The following ETF1 variants were observed in gnomAD, a reference collection of about 807,000 sequenced individuals.
ETF1 encodes eukaryotic translation termination factor 1, also known as eukaryotic peptide chain release factor subunit 1.
A neutral mutation model predicts 55.1 loss-of-function variants in ETF1; 4 were observed. That is an observed-to-expected ratio of 0.07 (90% confidence interval 0.04 to 0.17). The LOEUF (loss-of-function observed/expected upper bound fraction) is 0.17. ETF1 is among the 10% of genes least tolerant of loss of function. ETF1 has a pLI of 1.00. For missense variants in ETF1, 142 were observed against 523.6 expected (o/e 0.27, Z 7.11); for synonymous variants, 157 against 182.3 (o/e 0.86, Z 1.12).
chr5:138,522,151 C>CA (rs1281882459), intron 2 of ETF1, among the ~76,000 whole-genome samples: 2 of 151,330 alleles, frequency 1.3e-5, no homozygotes, highest in Non-Finnish European at 2.9e-5. Flanking sequence ...CTTTCATTCT[C>CA]AAAAAAACCC....
chr5:138,512,246 A>ATATATATATATATTT (rs1190453567), intron 6 of ETF1, among the ~76,000 whole-genome samples: 3 of 9,316 alleles, frequency 3.2e-4, no homozygotes, highest in African/African-American at 9.2e-4. Context: ...ATATATATAT[A>ATATATATATATATTT]TATATATATA....
chr5:138,540,288 A>G (rs1766118996), intron 2 of ETF1, among the ~76,000 whole-genome samples: 1 of 152,142 alleles, frequency 6.6e-6, no homozygotes, highest in Non-Finnish European at 1.5e-5. Flanking sequence ...AAGTCTCACT[A>G]CCTTGTCCTA....
chr5:138,529,007 G>C (rs1169335565), intron 2 of ETF1, among the ~76,000 whole-genome samples: 1 of 151,982 alleles, frequency 6.6e-6, no homozygotes, highest in Non-Finnish European at 1.5e-5. Context: ...CTAGCTGGGC[G>C]TGGTAGTGCA....
At position 138,511,619 on chromosome 5, in the gene ETF1, A is replaced by C. The variant is rs1350570079; in HGVS notation, c.733-15T>G. Reference sequence around the variant, plus strand: ...GATTGTAACCTCTAACACACAAAAAAAATATTATTAGTACTTACTGGTACT... The same window carrying C: ...GATTGTAACCTCTAACACACAAAAACAATATTATTAGTACTTACTGGTACT... On this transcript the variant is annotated splice_polypyrimidine_tract_variant and intron_variant, in intron 6 of 10. Transcript: ENST00000360541. 6.3e-7 allele frequency: 1 copy of C among 1,591,036 alleles called. No individual in the cohort carries two copies.
intron 2 of ETF1, among the ~76,000 whole-genome samples, chr5:138,525,440 G>C (rs2127101300): frequency 6.9e-6 from 1 of 145,294 alleles, no homozygotes; most frequent in African/African-American, 2.5e-5. Flanking sequence ...ACAGGCGTGA[G>C]CCACCATGTC....
intron 4 of ETF1, 43 bp from the exon 5 acceptor site, chr5:138,513,749 T>C: frequency 6.4e-7 from 1 of 1,569,592 alleles, no homozygotes; most frequent in African/African-American, 1.3e-5. Context: ...TCCCAAAGCT[T>C]TGCTAAGGTC....
chr5:138,511,325 T>C (rs1428081299), intron 7 of ETF1, 125 bp from the exon 8 acceptor site: 8 of 1,508,342 alleles, frequency 5.3e-6, no homozygotes, highest in Non-Finnish European at 7.1e-6. Context: ...AAAGAGTTAA[T>C]AAAAATACTA....
chr5:138,511,442 T>C (rs775698828), intron 7 of ETF1, 33 bp downstream of exon 7: 17 of 1,602,088 alleles, frequency 1.1e-5, no homozygotes, highest in Non-Finnish European at 1.4e-5. Context: ...ACGAAAACAT[T>C]TCACAGAATA....
At chr5:138,515,003 T>C (rs749439949) in intron 4 of ETF1, among the ~76,000 whole-genome samples, 3 of 152,204 alleles carry the variant, frequency 2.0e-5, no homozygotes, top group African/African-American at 7.2e-5. Context: ...TGGGATTACA[T>C]AGGTGTGAGC....
intron 2 of ETF1, among the ~76,000 whole-genome samples, chr5:138,522,085 T>C (rs1765254744): frequency 6.7e-6 from 1 of 149,164 alleles, no homozygotes; most frequent in Non-Finnish European, 1.5e-5. Context: ...CTCTACAGAG[T>C]AGCCATTCTC....
intron 2 of ETF1, among the ~76,000 whole-genome samples, chr5:138,524,307 C>T (rs951816231): frequency 5.9e-5 from 9 of 151,924 alleles, no homozygotes; most frequent in African/African-American, 1.9e-4. Flanking sequence ...GAGCCCAAAT[C>T]GTGCCACTAC....
intron 8 of ETF1, 112 bp from the exon 9 acceptor site, chr5:138,510,741 C>A: frequency 2.1e-6 from 3 of 1,411,022 alleles, no homozygotes; most frequent in Non-Finnish European, 2.9e-6. Context: ...AATCTCTCAA[C>A]ATTTTTTCCA....
rs78283489 is a variant in ETF1 at position 138,524,046 on chromosome 5, C to T, written c.87-5179G>A. On this transcript the variant is annotated intron_variant, in intron 2 of 10. Transcript: ENST00000360541. ...ACAAAAAGTTGCTGGGTGTGCTAGG[C>T]GTGGTGGCTCATGCCTGTAATCCCA... is the stretch of plus-strand genomic sequence containing the variant. Among the ~76,000 whole-genome samples the T allele has an allele frequency of 4.6e-5, 7 of 152,228 alleles. No homozygotes were observed. The East Asian group carries it at 1.4e-3, about 29-fold the overall frequency.
At chr5:138,542,731 C>A in intron 2 of ETF1, 102 bp downstream of exon 2, 1 of 1,542,888 alleles carries the variant, frequency 6.5e-7, no homozygotes, top group Non-Finnish European at 8.7e-7. Context: ...CGGGAGTTGG[C>A]TAGTGCCTGG....
At chr5:138,517,452 T>C (rs1421646798) in intron 4 of ETF1, 109 bp downstream of exon 4, 2 of 480,958 alleles carry the variant, frequency 4.2e-6, no homozygotes, top group Admixed American at 3.5e-5. Flanking sequence ...GAAAATATAG[T>C]GGTTGCCTAG....
intron 2 of ETF1, among the ~76,000 whole-genome samples, chr5:138,524,297 G>C (rs10057883): frequency 3.3e-5 from 5 of 152,072 alleles, no homozygotes; most frequent in Non-Finnish European, 7.4e-5. Context: ...AGGTTGCAGT[G>C]AGCCCAAATC....
At chr5:138,539,581 C>T (rs576245708) in intron 2 of ETF1, among the ~76,000 whole-genome samples, 1 of 152,288 alleles carries the variant, frequency 6.6e-6, no homozygotes, top group Admixed American at 6.5e-5. Flanking sequence ...TAACATTCGA[C>T]CAGGCTTATC....
Position 138,507,138 on chromosome 5 carries a change from T to G in ETF1, c.*1167A>C, listed in dbSNP as rs955852505. 4 of 152,138 alleles carry G rather than the reference T, an allele frequency of 2.6e-5. No individual in the cohort carries two copies. Among genetic ancestry groups the G allele is most frequent in the South Asian group, 2.1e-4 (1 of 4,832 alleles). The allele number at this position is 152,138 out of a possible 1,614,324, so 9.4% of individuals were successfully genotyped here. ...AGGCCAACTTTTGGATCCAACATGGTCTTAAATCCATGGTGCCAGAAGCTG... is the reference window on the plus strand; with the variant it reads ...AGGCCAACTTTTGGATCCAACATGGGCTTAAATCCATGGTGCCAGAAGCTG... On this transcript the variant is annotated 3_prime_UTR_variant, in exon 11 of 11. Transcript: ENST00000360541.
At chr5:138,511,361 C>A in intron 7 of ETF1, 114 bp downstream of exon 7, 3 of 1,512,416 alleles carry the variant, frequency 2.0e-6, no homozygotes, top group Non-Finnish European at 2.7e-6. Flanking sequence ...ATTTTTGGTA[C>A]CTTGTCTCAT....
Sources: gnomAD v4.1 joint callset for allele counts (sites outside exome capture counted in the v4.1 genomes callset) on GRCh38, gnomAD v4.1.1 for gene constraint, MANE v1.5 for transcripts, NCBI Gene and HGNC (gene_info 2026-07-23, HGNC 2026-07-21) for gene names.